CACNA2D2: variants seen among roughly 807,000 people sequenced by gnomAD.
CACNA2D2 encodes the protein calcium voltage-gated channel auxiliary subunit alpha2delta 2.
Under a neutral mutation model 166.4 loss-of-function variants are expected in CACNA2D2, and 48 were observed. That is an observed-to-expected ratio of 0.29 (90% CI 0.23 to 0.37). The LOEUF (loss-of-function observed/expected upper bound fraction) is 0.37, where lower values mean the gene tolerates loss of function less well. CACNA2D2 is among the 10% of genes least tolerant of loss of function. The pLI is 1.00. For missense variants in CACNA2D2, 1,122 were observed against 1,433.0 expected, an observed-to-expected ratio of 0.78 and a Z score of 3.50; for synonymous variants, 561 against 573.7, an observed-to-expected ratio of 0.98 and a Z score of 0.32.
intron 3 of CACNA2D2, among the ~76,000 whole-genome samples, chr3:50,408,920 T>C (rs1037783605): frequency 6.6e-6 from 1 of 152,228 alleles, no homozygotes; most frequent in Non-Finnish European, 1.5e-5. Flanking sequence ...CGCCTCTCCC[T>C]TCATTCAGGC....
chr3:50,447,982 C>T (rs1401854539), intron 2 of CACNA2D2, among the ~76,000 whole-genome samples: 1 of 152,162 alleles, frequency 6.6e-6, no homozygotes, highest in Non-Finnish European at 1.5e-5. Flanking sequence ...CAGCCATATC[C>T]TCAACCTGGC....
At chr3:50,389,224 G>A (rs184900094) in intron 4 of CACNA2D2, among the ~76,000 whole-genome samples, 38 of 152,324 alleles carry the variant, frequency 2.5e-4, no homozygotes, top group African/African-American at 7.9e-4. Context: ...GGCTCCGACC[G>A]AAGCGCATAA....
At chr3:50,483,339 GGTGT>G (rs1698136116) in intron 1 of CACNA2D2, among the ~76,000 whole-genome samples, 3 of 152,222 alleles carry the variant, frequency 2.0e-5, no homozygotes, top group Non-Finnish European at 4.4e-5. Context: ...GGGAGGGGCA[GGTGT>G]TGCCAAAGCA....
chr3:50,442,210 A>T (rs1241744383), intron 2 of CACNA2D2, among the ~76,000 whole-genome samples: 1 of 152,216 alleles, frequency 6.6e-6, no homozygotes, highest in Non-Finnish European at 1.5e-5. Context: ...CAGAAGTGAC[A>T]ATCCCAAATG....
At chr3:50,384,883 G>T (rs1366786535) in intron 5 of CACNA2D2, among the ~76,000 whole-genome samples, 1 of 152,236 alleles carries the variant, frequency 6.6e-6, no homozygotes, top group Non-Finnish European at 1.5e-5. Context: ...GATGGCTCTA[G>T]GGTCTGAGCT....
intron 3 of CACNA2D2, among the ~76,000 whole-genome samples, chr3:50,425,755 G>A (rs1471551271): frequency 1.3e-5 from 2 of 152,060 alleles, no homozygotes; most frequent in East Asian, 1.9e-4. Flanking sequence ...CTCCCTCTAC[G>A]CAGGCCTTCT....
rs1243734442 is a variant in CACNA2D2, at chr3:50,380,880, T to G, written c.785-75A>C. On this transcript the variant is annotated intron_variant, in intron 7 of 37. Transcript: ENST00000424201. The surrounding 1 kb of genome is among the most constrained non-coding windows in gnomAD (Gnocchi z 4.9). ...GGTAGGCAGACCTTGCAGAGGCGAC[T>G]GGGCTGCCACAGACTACAGAGAAGC... is the stretch of plus-strand genomic sequence containing the variant. The G allele has an allele frequency of 5.9e-6, 9 of 1,530,190 alleles. No homozygotes were observed. Among genetic ancestry groups the G allele is most frequent in the Non-Finnish European group, 8.0e-6 (9 of 1,130,844 alleles). The allele number at this position is 1,530,190 out of a possible 1,614,324, so 94.8% of individuals were successfully genotyped here.
intron 3 of CACNA2D2, 53 bp downstream of exon 3, chr3:50,434,260 T>A (rs1708205452): frequency 1.6e-6 from 2 of 1,268,898 alleles, no homozygotes; most frequent in Admixed American, 1.7e-5. Context: ...ACAGGACCTC[T>A]CCACCTGGCC....
Position 50,363,667 on chromosome 3 carries a change from G to C in CACNA2D2, c.*999C>G, listed in dbSNP as rs1362753482. 5.8e-6 allele frequency: 1 copy of C among 172,424 alleles called. No individual in the cohort carries two copies. Among genetic ancestry groups the C allele is most frequent in the Non-Finnish European group, 1.2e-5 (1 of 82,044 alleles). 10.7% of individuals were successfully genotyped at this position (172,424 alleles called of 1,614,324 possible). A position where few individuals can be genotyped will look rare whatever the true frequency, so the allele number is the denominator to read the frequency against. ...AAGGCAAAGGGTGATGTCTGGTGGGGGTTCCTCTGCCGAAAGGTGCAGGCA... is the reference window on the plus strand; with the variant it reads ...AAGGCAAAGGGTGATGTCTGGTGGGCGTTCCTCTGCCGAAAGGTGCAGGCA... On this transcript the variant is annotated 3_prime_UTR_variant, in exon 38 of 38. Coordinates refer to ENST00000424201, the MANE Select transcript of CACNA2D2 (RefSeq NM_006030.4).
rs1421042527 is a variant in CACNA2D2, at chr3:50,376,594, G to A, written c.1627-406C>T. Among the ~76,000 whole-genome samples the A allele has an allele frequency of 2.0e-5, 3 of 152,260 alleles. No homozygotes were observed. The highest frequency in any genetic ancestry group is 2.9e-5 in the Non-Finnish European group (2 of 68,006). ...TGTCCCCACGTCAAGAGAGAGCAGC[G>A]GGACGAGTGGACCCTTCGGAATCCT... On this transcript the variant is annotated intron_variant, in intron 17 of 37. Transcript: ENST00000424201. This position sits in a 1 kb window ranked among gnomAD's most constrained non-coding sequence, Gnocchi z 4.3.
chr3:50,385,163 G>C (rs1054374184), intron 5 of CACNA2D2, among the ~76,000 whole-genome samples: 8 of 152,212 alleles, frequency 5.3e-5, no homozygotes, highest in Non-Finnish European at 7.3e-5. Context: ...GAGGGGGGCA[G>C]GCTTGGGTGC....
At chr3:50,389,913 C>G (rs1338576001) in intron 4 of CACNA2D2, among the ~76,000 whole-genome samples, 1 of 151,864 alleles carries the variant, frequency 6.6e-6, no homozygotes. Flanking sequence ...GATGGTGGCA[C>G]ACAAGGTCAT....
intron 2 of CACNA2D2, among the ~76,000 whole-genome samples, chr3:50,468,689 A>AC (rs1559978859): frequency 1.3e-5 from 2 of 151,250 alleles, no homozygotes; most frequent in East Asian, 3.9e-4. Context: ...ACCCTCAAGA[A>AC]CCCCCGATCC....
At position 50,379,376 on chromosome 3, in the gene CACNA2D2, C is replaced by T; in HGVS notation, c.1152+56G>A. ...CATCCGTCTTGATTTCCTGGGTACA[C>T]CAAGCCAGGGCCCTCTACTCCCCCA... On this transcript the variant is annotated intron_variant, in intron 11 of 37. Coordinates refer to ENST00000424201, the MANE Select transcript of CACNA2D2 (RefSeq NM_006030.4). This position sits in a 1 kb window ranked among gnomAD's most constrained non-coding sequence, Gnocchi z 6.5. 1 of 1,595,812 alleles carries T rather than the reference C, an allele frequency of 6.3e-7. No homozygotes were observed. The highest frequency in any genetic ancestry group is 8.6e-7 in the Non-Finnish European group (1 of 1,168,378).
intron 1 of CACNA2D2, among the ~76,000 whole-genome samples, chr3:50,490,373 G>A (rs1698472689): frequency 6.6e-6 from 1 of 152,170 alleles, no homozygotes; most frequent in African/African-American, 2.4e-5. Flanking sequence ...TAAGGCCACA[G>A]TTCTGTACCT....
chr3:50,470,901 C>A (rs1015322738), intron 2 of CACNA2D2, among the ~76,000 whole-genome samples: 3 of 152,110 alleles, frequency 2.0e-5, no homozygotes, highest in Non-Finnish European at 4.4e-5. Context: ...CCCGGGAGCC[C>A]CCCCTTTAGC....
intron 2 of CACNA2D2, among the ~76,000 whole-genome samples, chr3:50,472,595 TTCA>T (rs58388220): frequency 0.097 from 14,706 of 152,160 alleles, 2,063 homozygotes; most frequent in African/African-American, 0.31. Flanking sequence ...CAACTGATTC[TTCA>T]TCATGTCTGA....
At chr3:50,480,858 G>C (rs562546832) in intron 1 of CACNA2D2, among the ~76,000 whole-genome samples, 316 of 5,974 alleles carry the variant, frequency 0.053, 2 homozygotes, top group Non-Finnish European at 0.079. Flanking sequence ...GAATGGGTAC[G>C]GGAACGGGAA....
chr3:50,368,413 C>A (rs587599306), intron 23 of CACNA2D2, among the ~76,000 whole-genome samples, 178 bp from the exon 24 acceptor site: 1 of 152,100 alleles, frequency 6.6e-6, no homozygotes, highest in African/African-American at 2.4e-5. Flanking sequence ...GGGTCTGAGT[C>A]GGGGCAGAGC....
Sources: gnomAD v4.1 joint callset for allele counts (sites outside exome capture counted in the v4.1 genomes callset) on GRCh38, gnomAD v4.1.1 for gene constraint, Gnocchi (gnomAD v3.1) non-coding constraint, MANE v1.5 for transcripts, NCBI Gene and HGNC (gene_info 2026-07-23, HGNC 2026-07-21) for gene names.